TCF12: variants seen among roughly 807,000 people sequenced by gnomAD.
The protein encoded by TCF12 is DNA-binding protein HTF4.
A neutral mutation model predicts 86.0 loss-of-function variants in TCF12; 45 were observed. That is an observed-to-expected ratio of 0.52 (90% confidence interval 0.41 to 0.67). TCF12 has a LOEUF of 0.67. TCF12 is among the 30% of genes least tolerant of loss of function. TCF12 has a pLI of 0.00. For synonymous variants in TCF12, 330 were observed against 299.6 expected (o/e 1.10, Z -1.05); for missense variants, 881 against 859.9 (o/e 1.02, Z -0.31).
chr15:57,158,925 A>G (rs1405554862), intron 5 of TCF12, among the ~76,000 whole-genome samples: 1 of 152,242 alleles, frequency 6.6e-6, no homozygotes, highest in Non-Finnish European at 1.5e-5. Context: ...GTTAGCCAAT[A>G]ATGCTTAAAC....
At chr15:57,112,495 A>G (rs926449099) in intron 5 of TCF12, among the ~76,000 whole-genome samples, 21 of 152,172 alleles carry the variant, frequency 1.4e-4, no homozygotes, top group African/African-American at 5.1e-4. Context: ...GTTCAAGGAG[A>G]GGAGCTGTGA....
chr15:57,029,060 A>G (rs1172354017), intron 3 of TCF12, among the ~76,000 whole-genome samples: 4 of 152,150 alleles, frequency 2.6e-5, no homozygotes, highest in Non-Finnish European at 5.9e-5. Context: ...CTGGCCTCCC[A>G]TAGTGCTAGG....
chr15:57,066,803 C>A (rs2068918865), intron 4 of TCF12, among the ~76,000 whole-genome samples: 1 of 152,106 alleles, frequency 6.6e-6, no homozygotes, highest in Non-Finnish European at 1.5e-5. Flanking sequence ...GGCAGATGAA[C>A]CCTATTAATA....
At chr15:57,042,675 A>G (rs113498784) in intron 3 of TCF12, among the ~76,000 whole-genome samples, 1 of 152,132 alleles carries the variant, frequency 6.6e-6, no homozygotes, top group African/African-American at 2.4e-5. Flanking sequence ...CTGTCTCCCA[A>G]AGTGCTGGGA....
chr15:57,036,250 A>G (rs2141396436), intron 3 of TCF12, among the ~76,000 whole-genome samples: 1 of 151,502 alleles, frequency 6.6e-6, no homozygotes, highest in Non-Finnish European at 1.5e-5. Flanking sequence ...TGATATAGAT[A>G]AAGGTTTTTT....
intron 3 of TCF12, among the ~76,000 whole-genome samples, chr15:57,061,365 G>A (rs1033925348): frequency 3.3e-5 from 5 of 152,118 alleles, no homozygotes; most frequent in African/African-American, 1.2e-4. Context: ...GGCCATGGAG[G>A]GAGAATCGCT....
At chr15:57,089,145 C>T (rs938453277) in intron 4 of TCF12, among the ~76,000 whole-genome samples, 1 of 152,150 alleles carries the variant, frequency 6.6e-6, no homozygotes, top group Non-Finnish European at 1.5e-5. Flanking sequence ...TCAGTTTGCA[C>T]CTGTAGATGA....
chr15:57,108,419 G>C (rs958115435), intron 5 of TCF12, among the ~76,000 whole-genome samples: 6 of 152,190 alleles, frequency 3.9e-5, no homozygotes, highest in Admixed American at 3.9e-4. Flanking sequence ...AGTGGGGTTT[G>C]AGGGTTAGGT....
Position 56,999,717 on chromosome 15 carries a change from T to C in TCF12, c.149-64033T>C, listed in dbSNP as rs142232866. 1.1e-4 allele frequency among the ~76,000 whole-genome samples: 17 copies of C among 151,824 alleles called. No individual in the cohort carries two copies. The East Asian group carries it at 3.3e-3, about 30-fold the overall frequency. On this transcript the variant is annotated intron_variant, in intron 3 of 20. Coordinates refer to ENST00000333725, the MANE Select transcript of TCF12 (RefSeq NM_207037.2). ...GGTGAGACCCCGTCTTTACTAAAAA[T>C]ACAAAAATTAGCTGGGCGTGGTGGT...
intron 5 of TCF12, among the ~76,000 whole-genome samples, chr15:57,110,164 T>A (rs2050392341): frequency 6.6e-6 from 1 of 152,236 alleles, no homozygotes; most frequent in South Asian, 2.1e-4. Context: ...CATAATTGAC[T>A]ACCTTGAAAG....
intron 3 of TCF12, among the ~76,000 whole-genome samples, chr15:56,971,640 T>C (rs773305960): frequency 6.6e-6 from 1 of 152,132 alleles, no homozygotes; most frequent in Non-Finnish European, 1.5e-5. Context: ...TCATATTCTG[T>C]TGGAGTGGGA....
chr15:57,005,238 A>T (rs2064283297), intron 3 of TCF12, among the ~76,000 whole-genome samples: 1 of 152,228 alleles, frequency 6.6e-6, no homozygotes, highest in Middle Eastern at 3.2e-3. Context: ...ACCCTTGATT[A>T]AACAAAGTTA....
At chr15:57,206,358 G>T (rs372262617) in intron 8 of TCF12, among the ~76,000 whole-genome samples, 2 of 151,824 alleles carry the variant, frequency 1.3e-5, no homozygotes, top group African/African-American at 4.8e-5. Flanking sequence ...AAAATTAGCC[G>T]GGCATGGTGG....
At chr15:56,973,933 C>A (rs1358915086) in intron 3 of TCF12, among the ~76,000 whole-genome samples, 1 of 152,018 alleles carries the variant, frequency 6.6e-6, no homozygotes, top group Non-Finnish European at 1.5e-5. Flanking sequence ...GACAGGCTCA[C>A]GTTAAAGGTC....
intron 5 of TCF12, among the ~76,000 whole-genome samples, chr15:57,147,983 A>G (rs79604962): frequency 6.6e-6 from 1 of 151,276 alleles, no homozygotes; most frequent in Middle Eastern, 3.2e-3. Flanking sequence ...TGGACTCAAC[A>G]ATCCTCTCAC....
intron 8 of TCF12, among the ~76,000 whole-genome samples, chr15:57,201,526 A>T (rs1387454331): frequency 1.3e-5 from 2 of 152,022 alleles, no homozygotes; most frequent in East Asian, 3.8e-4. Flanking sequence ...ATTATATACA[A>T]GTTGCAACCT....
intron 8 of TCF12, among the ~76,000 whole-genome samples, chr15:57,218,190 G>A (rs2058412825): frequency 6.6e-6 from 1 of 152,092 alleles, no homozygotes; most frequent in African/African-American, 2.4e-5. Context: ...TCTGCTTCAT[G>A]AAAGGTACCT....
chr15:57,284,600 A>G (rs1490202352), intron 20 of TCF12, among the ~76,000 whole-genome samples: 1 of 152,268 alleles, frequency 6.6e-6, no homozygotes, highest in Non-Finnish European at 1.5e-5. Flanking sequence ...ATTTCAAAGA[A>G]GAGTGATGGG....
At chr15:57,067,337 G>A (rs565249140) in intron 4 of TCF12, among the ~76,000 whole-genome samples, 20 of 151,870 alleles carry the variant, frequency 1.3e-4, no homozygotes, top group Admixed American at 5.2e-4. Flanking sequence ...TCAGGAGATC[G>A]AGACCATCCC....
Sources: allele counts gnomAD v4.1 joint callset (sites outside exome capture counted in the v4.1 genomes callset), GRCh38; gene constraint gnomAD v4.1.1; transcripts MANE v1.5; gene names NCBI Gene and HGNC (gene_info 2026-07-23, HGNC 2026-07-21).